The following UNC5CL variants were observed in gnomAD, a reference collection of about 807,000 sequenced individuals.
UNC5CL encodes unc-5 family C-terminal like.
UNC5CL carries 42 observed loss-of-function variants against 54.1 expected under a neutral mutation model. The ratio of observed to expected loss-of-function variants is 0.78; its 90% CI spans 0.61 to 1.00. The LOEUF is 1.00. Ranked by LOEUF, UNC5CL falls within the 50% of genes least tolerant of loss-of-function variation. The pLI, the probability that UNC5CL is intolerant of heterozygous loss-of-function variation, is 0.00. For synonymous variants in UNC5CL, 285 were observed against 285.1 expected, an observed-to-expected ratio of 1.00 and a Z score of 0.00; for missense variants, 619 against 675.6, an observed-to-expected ratio of 0.92 and a Z score of 0.93.
rs200511540 is a variant in UNC5CL at position 41,034,951 on chromosome 6, C to A, written c.124G>T (p.Ala42Ser). The A allele has an allele frequency of 5.5e-5, 89 of 1,613,926 alleles. No individual in the cohort carries two copies. The Middle Eastern group carries it at 6.6e-4, about 12-fold the overall frequency. The change falls in exon 2 of 9, where the codon GCC becomes TCC. Residue 42 changes from alanine (A) to serine (S), a missense_variant. Transcript: ENST00000244565. ...RWHCPRRLLGACWTLNGQEEP... is the reference protein window; with the variant it reads ...RWHCPRRLLGSCWTLNGQEEP... ...TCTTGACCATTCAGTGTCCAGCAGG[C>A]CCCCAGCAGCCTTCTAGGGCAGTGC... is the stretch of plus-strand genomic sequence containing the variant.
chr6:41,028,497 A>G lies in UNC5CL; in HGVS notation c.1433T>C (p.Met478Thr). The change falls in exon 9 of 9, where the codon ATG becomes ACG. Residue 478 changes from methionine to threonine, a missense_variant. Physicochemically the swap from Met to Thr is moderately conservative, Grantham distance 81. Transcript: ENST00000244565. This position sits in a 1 kb window ranked among gnomAD's most constrained non-coding sequence, Gnocchi z 4.3. ...LQELHYLMTVMERLDCASAIQ... is the reference protein window; with the variant it reads ...LQELHYLMTVTERLDCASAIQ... ...GGCGGAGGCGCAGTCTAGCCGCTCCATGACGGTCATGAGGTAGTGCAGCTC... is the reference window on the plus strand; with the variant it reads ...GGCGGAGGCGCAGTCTAGCCGCTCCGTGACGGTCATGAGGTAGTGCAGCTC... 4 of 1,613,854 alleles carry G rather than the reference A, an allele frequency of 2.5e-6. No individual in the cohort carries two copies. The highest frequency in any genetic ancestry group is 3.4e-6 in the Non-Finnish European group (4 of 1,180,012).
In UNC5CL at chr6:41,028,336, C is replaced by A; in HGVS notation, c.*37G>T. The A allele has an allele frequency of 1.3e-6, 2 of 1,515,376 alleles. No individual in the cohort carries two copies. Among genetic ancestry groups the A allele is most frequent in the South Asian group, 1.2e-5 (1 of 81,568 alleles). The allele number at this position is 1,515,376 out of a possible 1,614,324, so 93.9% of individuals were successfully genotyped here. Reference sequence around the variant, plus strand: ...TTAGGCGTAGGAGAACAACCCCTCTCGCCCCTACACCTCCTCCGGCCCTGC... The same window carrying A: ...TTAGGCGTAGGAGAACAACCCCTCTAGCCCCTACACCTCCTCCGGCCCTGC... On this transcript the variant is annotated 3_prime_UTR_variant, in exon 9 of 9. Transcript: ENST00000244565. The surrounding 1 kb of genome is among the most constrained non-coding windows in gnomAD (Gnocchi z 4.3).
In UNC5CL at chr6:41,029,348, AG is replaced by A. The variant is rs528377319; in HGVS notation, c.1335-754del. Among the ~76,000 whole-genome samples, 15 of 152,190 alleles carry A rather than the reference AG, an allele frequency of 9.9e-5. No homozygotes were observed. Among genetic ancestry groups the A allele is most frequent in the Non-Finnish European group, 2.1e-4 (14 of 68,032 alleles). ...TGGAAGAGAACATTCTGCATCCCTC[AG>A]TTCAGACTTCTGGTCATAACGCCCG... On this transcript the variant is annotated intron_variant, in intron 8 of 8. Transcript: ENST00000244565. This position sits in a 1 kb window ranked among gnomAD's most constrained non-coding sequence, Gnocchi z 4.1.
rs532149629 is a variant in UNC5CL, at chr6:41,029,741, CAGG to C, written c.1334+644_1334+646del. On this transcript the variant is annotated intron_variant, in intron 8 of 8. Coordinates refer to ENST00000244565, the MANE Select transcript of UNC5CL (RefSeq NM_173561.3). This position sits in a 1 kb window ranked among gnomAD's most constrained non-coding sequence, Gnocchi z 4.1. ...ATCCCAGCTACTCGGGAGGCTGAGG[CAGG>C]AGAATTACTTGAACCCGGGAGATGG... Among the ~76,000 whole-genome samples, 1 of 152,182 alleles carries C rather than the reference CAGG, an allele frequency of 6.6e-6. No homozygotes were observed. The highest frequency in any genetic ancestry group is 2.1e-4 in the South Asian group (1 of 4,824).
At chr6:41,030,142 ACTT>A (rs1650761618) in intron 8 of UNC5CL, among the ~76,000 whole-genome samples, 2 of 152,324 alleles carry the variant, frequency 1.3e-5, no homozygotes, top group African/African-American at 4.8e-5. Context: ...GTACCAAATA[ACTT>A]CCATGTTAAT....
At chr6:41,032,283 A>G (rs1357028052) in intron 4 of UNC5CL, 146 bp from the exon 5 acceptor site, 3 of 685,104 alleles carry the variant, frequency 4.4e-6, no homozygotes, top group Middle Eastern at 3.4e-4. Flanking sequence ...TGGGACCCCA[A>G]GAGGGCCCTT....
Position 41,028,710 on chromosome 6 carries a change from T to C in UNC5CL, c.1335-115A>G. The stretch of plus-strand genomic sequence containing the variant: ...GTCCGTCCCTTCCCCATCCTGTAGC[T>C]TTTGTCCTTGTCCTGCTCTTGCCTG... On this transcript the variant is annotated intron_variant, in intron 8 of 8. Coordinates refer to ENST00000244565, the MANE Select transcript of UNC5CL (RefSeq NM_173561.3). The surrounding 1 kb of genome is among the most constrained non-coding windows in gnomAD (Gnocchi z 4.3). The C allele has an allele frequency of 9.9e-7, 1 of 1,008,378 alleles. No homozygotes were observed. 62.5% of individuals were successfully genotyped at this position (1,008,378 alleles called of 1,614,324 possible).
At chr6:41,033,844 A>G in intron 3 of UNC5CL, 37 bp downstream of exon 3, 1 of 1,591,720 alleles carries the variant, frequency 6.3e-7, no homozygotes, top group Non-Finnish European at 8.6e-7. Flanking sequence ...CCTCAGAGAG[A>G]TGGGTGTGGG....
At position 41,030,644 on chromosome 6, in the gene UNC5CL, C is replaced by T; in HGVS notation, c.1220+11G>A. On this transcript the variant is annotated intron_variant, in intron 7 of 8. Transcript: ENST00000244565. ...TCCCCCAGGCAGCAGCCCAAGCAAC[C>T]CCCGTCTCACCTATTGCATGGGGGC... 6.2e-7 allele frequency: 1 copy of T among 1,613,982 alleles called. No homozygotes were observed. Among genetic ancestry groups the T allele is most frequent in the Non-Finnish European group, 8.5e-7 (1 of 1,179,958 alleles).
At chr6:41,033,638 G>A (rs1269253793) in intron 3 of UNC5CL, 1 of 580,442 alleles carries the variant, frequency 1.7e-6, no homozygotes, top group Non-Finnish European at 3.0e-6. Context: ...ATGGTGCTGA[G>A]TCAGACACTT....
chr6:41,031,680 C>T lies in UNC5CL; in HGVS notation c.1119+1G>A. 3 of 1,614,180 alleles carry T rather than the reference C, an allele frequency of 1.9e-6. No homozygotes were observed. ...TCCTCTGCCCCTCAGCTCCAACTCA[C>T]ATCCTGGAAGGTGTGCATGGTGACA... On this transcript the variant is annotated splice_donor_variant, in intron 6 of 8. Coordinates refer to ENST00000244565, the MANE Select transcript of UNC5CL (RefSeq NM_173561.3). LOFTEE classifies it high-confidence loss of function.
intron 1 of UNC5CL, among the ~76,000 whole-genome samples, chr6:41,037,063 C>T (rs1272187390): frequency 1.3e-5 from 2 of 152,214 alleles, no homozygotes; most frequent in African/African-American, 4.8e-5. Flanking sequence ...ACTTGCTCTC[C>T]CCACTTGTTT....
Position 41,028,053 on chromosome 6 carries a change from T to C in UNC5CL, c.*320A>G. On this transcript the variant is annotated 3_prime_UTR_variant, in exon 9 of 9. Coordinates refer to ENST00000244565, the MANE Select transcript of UNC5CL (RefSeq NM_173561.3). This position sits in a 1 kb window ranked among gnomAD's most constrained non-coding sequence, Gnocchi z 4.3. ...CTTCCTAAGTGCTCAGTGAATACTT[T>C]AGGGCCTGACCGGCCCTAAAGTGCA... The C allele has an allele frequency of 2.7e-6, 1 of 367,096 alleles. No individual in the cohort carries two copies. The highest frequency in any genetic ancestry group is 5.0e-6 in the Non-Finnish European group (1 of 201,452). 22.7% of individuals were successfully genotyped at this position (367,096 alleles called of 1,614,324 possible).
At chr6:41,033,487 GAGA>G (rs975822357) in intron 3 of UNC5CL, 13 of 490,874 alleles carry the variant, frequency 2.6e-5, no homozygotes, top group African/African-American at 3.8e-5. Flanking sequence ...GAAAGACAAA[GAGA>G]AGAAGGACAG....
Position 41,030,489 on chromosome 6 carries a change from C to T in UNC5CL, c.1233G>A (p.Glu411=). The part of the protein sequence containing the change: ...QPPPCNRLPP[E]LFEQLRMLLE... ...ATAACATCCGCAGCTGCTCAAAGAG[C>T]TCTGGGGGCAGCCTTAGGCAGGGAA... Residue 411 remains glutamate, a synonymous_variant, in exon 8 of 9, where the codon GAG becomes GAA. Coordinates refer to ENST00000244565, the MANE Select transcript of UNC5CL (RefSeq NM_173561.3). The T allele has an allele frequency of 6.2e-7, 1 of 1,614,206 alleles. No homozygotes were observed. Among genetic ancestry groups the T allele is most frequent in the Non-Finnish European group, 8.5e-7 (1 of 1,180,034 alleles).
At chr6:41,032,588 G>A (rs1242953159) in intron 4 of UNC5CL, among the ~76,000 whole-genome samples, 16 of 152,146 alleles carry the variant, frequency 1.1e-4, no homozygotes, top group Non-Finnish European at 2.1e-4. Context: ...ATGAAACCCC[G>A]TCTCTACCAA....
intron 3 of UNC5CL, among the ~76,000 whole-genome samples, chr6:41,033,348 G>A (rs549653455): frequency 2.0e-4 from 31 of 152,200 alleles, no homozygotes; most frequent in African/African-American, 6.7e-4. Context: ...ACTGAATGGG[G>A]AGGAGAGCTG....
chr6:41,033,265 A>T, intron 3 of UNC5CL, 119 bp from the exon 4 acceptor site: 2 of 1,287,650 alleles, frequency 1.6e-6, no homozygotes, highest in Non-Finnish European at 2.1e-6. Flanking sequence ...GGTTCAGAGA[A>T]CACTCGAGGG....
At position 41,030,430 on chromosome 6, in the gene UNC5CL, C is replaced by T. The variant is rs759752192; in HGVS notation, c.1292G>A (p.Arg431His). 17 of 1,614,032 alleles carry T rather than the reference C, an allele frequency of 1.1e-5. No homozygotes were observed. Among genetic ancestry groups the T allele is most frequent in the East Asian group, 6.7e-5 (3 of 44,890 alleles). ...EPNSITGNDW[R>H]RLASHLGLCG... ...AAGCCCCAGGTGGGAGGCCAGTCTGCGCCAGTCATTGCCGGTGATGCTGTT... is the reference window on the plus strand; with the variant it reads ...AAGCCCCAGGTGGGAGGCCAGTCTGTGCCAGTCATTGCCGGTGATGCTGTT... Residue 431 changes from arginine (R) to histidine (H), a missense_variant, in exon 8 of 9, where the codon CGC becomes CAC. Transcript: ENST00000244565.
Sources: allele counts gnomAD v4.1 joint callset (sites outside exome capture counted in the v4.1 genomes callset), GRCh38; gene constraint gnomAD v4.1.1; non-coding constraint Gnocchi (gnomAD v3.1); transcripts MANE v1.5; gene names NCBI Gene and HGNC (gene_info 2026-07-23, HGNC 2026-07-21).